The following DNAJC1 variants were observed in gnomAD, a reference collection of about 807,000 sequenced individuals.
DNAJC1 encodes the protein dnaJ homolog subfamily C member 1.
A neutral mutation model predicts 76.6 loss-of-function variants in DNAJC1; 58 were observed. The ratio of observed to expected loss-of-function variants is 0.76; its 90% CI spans 0.61 to 0.94. DNAJC1 has a LOEUF of 0.94. Among genes scored for constraint, DNAJC1 ranks in the 40% least tolerant of loss-of-function variants. The pLI, the probability that DNAJC1 is intolerant of heterozygous loss-of-function variation, is 0.00. For missense variants in DNAJC1, 689 were observed against 677.3 expected (o/e 1.02, Z -0.19); for synonymous variants, 258 against 267.9 (o/e 0.96, Z 0.36).
chr10:21,765,671 C>T (rs904753059), intron 10 of DNAJC1, among the ~76,000 whole-genome samples: 1 of 152,044 alleles, frequency 6.6e-6, no homozygotes, highest in Non-Finnish European at 1.5e-5. Flanking sequence ...ATGGTGAAAC[C>T]AGGTCTCTAC....
chr10:21,997,888 C>T (rs971399804), intron 1 of DNAJC1, among the ~76,000 whole-genome samples: 8 of 152,124 alleles, frequency 5.3e-5, no homozygotes, highest in Non-Finnish European at 1.2e-4. Flanking sequence ...CATTTTCTAG[C>T]TACATAAATA....
At chr10:21,958,866 T>G (rs1232496780) in intron 1 of DNAJC1, among the ~76,000 whole-genome samples, 1 of 152,198 alleles carries the variant, frequency 6.6e-6, no homozygotes, top group Admixed American at 6.5e-5. Context: ...TTCTAAAAGT[T>G]ATTAACATGC....
At position 21,764,221 on chromosome 10, in the gene DNAJC1, CAT is replaced by C. The variant is rs1331160864; in HGVS notation, c.1147+2038_1147+2039del. Reference sequence around the variant, plus strand: ...GGAGCCATTAAGAAGATGATACAGACATATGAGTGTACGGAGTGAAAAAATGT... The same window carrying C: ...GGAGCCATTAAGAAGATGATACAGACATGAGTGTACGGAGTGAAAAAATGT... On this transcript the variant is annotated intron_variant, in intron 10 of 11. Transcript: ENST00000376980. 3.3e-5 allele frequency among the ~76,000 whole-genome samples: 5 copies of C among 152,238 alleles called. No homozygotes were observed. In the East Asian group the frequency reaches 5.8e-4, roughly 18 times the overall value.
At chr10:22,003,156 T>G in intron 1 of DNAJC1, 57 bp downstream of exon 1, 1 of 1,406,564 alleles carries the variant, frequency 7.1e-7, no homozygotes, top group African/African-American at 1.5e-5. Flanking sequence ...AGGAACCGGG[T>G]CGCCTGACGC....
At chr10:21,829,634 G>A (rs1290053483) in intron 8 of DNAJC1, among the ~76,000 whole-genome samples, 22 of 152,248 alleles carry the variant, frequency 1.4e-4, no homozygotes, top group Admixed American at 1.4e-3. Context: ...TTACAGGCGT[G>A]AGCCACTGGG....
chr10:21,832,084 C>A (rs1257020383), intron 8 of DNAJC1, among the ~76,000 whole-genome samples: 2 of 151,700 alleles, frequency 1.3e-5, no homozygotes. Flanking sequence ...AAATAAAAAT[C>A]TAAGGAAAAA....
At chr10:21,939,569 T>C (rs1220264005) in intron 1 of DNAJC1, among the ~76,000 whole-genome samples, 1 of 152,190 alleles carries the variant, frequency 6.6e-6, no homozygotes, top group South Asian at 2.1e-4. Flanking sequence ...TAAATACCAT[T>C]GTGTTACAAT....
chr10:21,912,742 T>G (rs761171282), intron 6 of DNAJC1, among the ~76,000 whole-genome samples: 1 of 152,114 alleles, frequency 6.6e-6, no homozygotes, highest in African/African-American at 2.4e-5. Context: ...AAATGCCTCA[T>G]AGCCTTTTAG....
At chr10:21,814,162 T>C (rs1835036793) in intron 8 of DNAJC1, among the ~76,000 whole-genome samples, 1 of 152,160 alleles carries the variant, frequency 6.6e-6, no homozygotes, top group African/African-American at 2.4e-5. Context: ...TTAAGTTATA[T>C]TGTCGGTTGG....
chr10:21,768,001 A>G (rs1365287779), intron 9 of DNAJC1, among the ~76,000 whole-genome samples: 1 of 152,174 alleles, frequency 6.6e-6, no homozygotes, highest in Non-Finnish European at 1.5e-5. Context: ...TCTTAAAAAA[A>G]AAAAAATTAC....
At chr10:21,946,706 T>C (rs1837511265) in intron 1 of DNAJC1, among the ~76,000 whole-genome samples, 1 of 152,190 alleles carries the variant, frequency 6.6e-6, no homozygotes, top group Admixed American at 6.5e-5. Flanking sequence ...TATTAAAAGA[T>C]ATGTACAACG....
In DNAJC1 at chr10:21,929,141, C is replaced by A. The variant is rs751021538; in HGVS notation, c.223G>T (p.Asp75Tyr). The change falls in exon 2 of 12, where the codon GAT (aspartate) becomes TAT (tyrosine). Residue 75 changes from aspartate to tyrosine, a missense_variant and splice_region_variant. Asp to Tyr is a radical substitution (Grantham distance 160, BLOSUM62 -3). Coordinates refer to ENST00000376980, the MANE Select transcript of DNAJC1 (RefSeq NM_022365.4). ...TTTCTGATGTCTGCAGATGATGCATCCTGGAGGTGGTAGGGGGAGGGGAAA... is the reference window on the plus strand; with the variant it reads ...TTTCTGATGTCTGCAGATGATGCATACTGGAGGTGGTAGGGGGAGGGGAAA... ...NFYQFLGVQQ[D>Y]ASSADIRKAY... 1 of 1,603,550 alleles carries A rather than the reference C, an allele frequency of 6.2e-7. No homozygotes were observed. The highest frequency in any genetic ancestry group is 8.5e-7 in the Non-Finnish European group (1 of 1,173,936).
intron 1 of DNAJC1, among the ~76,000 whole-genome samples, chr10:21,950,649 C>T (rs1168295986): frequency 2.0e-5 from 3 of 152,068 alleles, no homozygotes; most frequent in African/African-American, 4.8e-5. Context: ...GCCTCTTGCA[C>T]CAAACAGGCA....
chr10:21,883,932 C>T (rs1836325786), intron 7 of DNAJC1, among the ~76,000 whole-genome samples: 1 of 152,132 alleles, frequency 6.6e-6, no homozygotes, highest in Non-Finnish European at 1.5e-5. Context: ...GTAATGCTTA[C>T]ACAACTGAGT....
At chr10:21,771,256 T>C (rs1834373523) in intron 9 of DNAJC1, among the ~76,000 whole-genome samples, 1 of 152,218 alleles carries the variant, frequency 6.6e-6, no homozygotes, top group African/African-American at 2.4e-5. Flanking sequence ...ATTTTACTTC[T>C]TTTTTTCCAT....
At chr10:21,932,747 T>C (rs1412482767) in intron 1 of DNAJC1, among the ~76,000 whole-genome samples, 1 of 152,238 alleles carries the variant, frequency 6.6e-6, no homozygotes, top group Non-Finnish European at 1.5e-5. Context: ...CCAGAGCAGA[T>C]AGGCCATTTG....
At chr10:21,904,453 A>T in intron 7 of DNAJC1, 69 bp downstream of exon 7, 1 of 1,060,306 alleles carries the variant, frequency 9.4e-7, no homozygotes, top group Non-Finnish European at 1.3e-6. Context: ...TGCTGAATTT[A>T]AAAGATAATT....
At chr10:21,919,950 G>A (rs1319324169) in intron 4 of DNAJC1, 21 bp from the exon 5 acceptor site, 1 of 1,467,022 alleles carries the variant, frequency 6.8e-7, no homozygotes, top group African/African-American at 1.4e-5. Flanking sequence ...AAAGAATTAT[G>A]GTTACAGGTT....
chr10:22,003,339 C>T lies in DNAJC1; in HGVS notation c.96G>A (p.Leu32=). ...FPPPPPRTPL[L]WLLLLLLAAV... ...CGGCCAGCAGCAGCAGCAGCAGCCA[C>T]AGCAGCGGCGTCCGCGGCGGCGGCG... Residue 32 remains leucine, a synonymous_variant, in exon 1 of 12, where the codon CTG becomes CTA. Transcript: ENST00000376980. The T allele has an allele frequency of 6.8e-7, 1 of 1,460,628 alleles. No homozygotes were observed. Among genetic ancestry groups the T allele is most frequent in the Non-Finnish European group, 9.0e-7 (1 of 1,108,642 alleles). The allele number at this position is 1,460,628 out of a possible 1,614,324, so 90.5% of individuals were successfully genotyped here. A position where few individuals can be genotyped will look rare whatever the true frequency, so the allele number is the denominator to read the frequency against.
Sources: gnomAD v4.1 joint callset for allele counts (sites outside exome capture counted in the v4.1 genomes callset) on GRCh38, gnomAD v4.1.1 for gene constraint, MANE v1.5 for transcripts, NCBI Gene and HGNC (gene_info 2026-07-23, HGNC 2026-07-21) for gene names.